Variants in CLVS1 observed in about 807,000 individuals in gnomAD.
CLVS1 encodes clavesin 1.
A neutral mutation model predicts 33.1 loss-of-function variants in CLVS1; 10 were observed. The ratio of observed to expected loss-of-function variants is 0.30; its 90% confidence interval spans 0.19 to 0.51. The LOEUF (loss-of-function observed/expected upper bound fraction) is 0.51, where lower values mean the gene tolerates loss of function less well. Among genes scored for constraint, CLVS1 ranks in the 20% least tolerant of loss-of-function variants. The pLI is 0.97. For synonymous variants in CLVS1, 163 were observed against 166.1 expected, an observed-to-expected ratio of 0.98 and a Z score of 0.14; for missense variants, 343 against 433.4, an observed-to-expected ratio of 0.79 and a Z score of 1.85.
intron 2 of CLVS1, among the ~76,000 whole-genome samples, chr8:61,214,434 C>T (rs566507811): frequency 2.0e-4 from 30 of 152,260 alleles, no homozygotes; most frequent in African/African-American, 7.2e-4. Context: ...CTTTATTTCT[C>T]AAGCTGGCTG....
intron 2 of CLVS1, among the ~76,000 whole-genome samples, chr8:61,306,486 T>TGTC (rs756569455): frequency 5.9e-5 from 9 of 152,230 alleles, no homozygotes; most frequent in Non-Finnish European, 1.2e-4. Flanking sequence ...TTCTGTAGGT[T>TGTC]GTCTGTTTAC....
At chr8:61,280,960 T>C (rs1809659885) in intron 2 of CLVS1, among the ~76,000 whole-genome samples, 1 of 152,184 alleles carries the variant, frequency 6.6e-6, no homozygotes, top group Non-Finnish European at 1.5e-5. Context: ...CATACACATC[T>C]TCATAGTCTT....
intron 2 of CLVS1, among the ~76,000 whole-genome samples, chr8:61,239,117 C>CTCCTTAACTTTTTTTTAA (rs1808635678): frequency 6.6e-6 from 1 of 152,178 alleles, no homozygotes; most frequent in Non-Finnish European, 1.5e-5. Context: ...AAAAACTATA[C>CTCCTTAACTTTTTTTTAA]CTTTTTAAAT....
chr8:61,388,955 C>G (rs1048171317), intron 3 of CLVS1, among the ~76,000 whole-genome samples: 4 of 152,118 alleles, frequency 2.6e-5, no homozygotes, highest in Admixed American at 2.6e-4. Context: ...CTAATATCCT[C>G]TGTTCTACTT....
intron 2 of CLVS1, among the ~76,000 whole-genome samples, chr8:61,324,365 G>C (rs1238896696): frequency 6.6e-6 from 1 of 152,012 alleles, no homozygotes; most frequent in Non-Finnish European, 1.5e-5. Context: ...TTCTCTTGCT[G>C]CCACCCTGGA....
chr8:61,228,760 T>C (rs180809353), intron 2 of CLVS1, among the ~76,000 whole-genome samples: 29 of 152,334 alleles, frequency 1.9e-4, no homozygotes, highest in African/African-American at 6.5e-4. Context: ...TTCCACTGTG[T>C]ACATGTACCA....
intron 2 of CLVS1, among the ~76,000 whole-genome samples, chr8:61,134,131 A>G (rs1392429990): frequency 6.6e-6 from 1 of 152,166 alleles, no homozygotes; most frequent in Non-Finnish European, 1.5e-5. Flanking sequence ...TAATTCATTT[A>G]CTCAAATTTA....
At chr8:61,073,037 CTTA>C (rs1490898874) in intron 1 of CLVS1, among the ~76,000 whole-genome samples, 1 of 152,026 alleles carries the variant, frequency 6.6e-6, no homozygotes, top group East Asian at 1.9e-4. Flanking sequence ...GATTTTTACA[CTTA>C]TTATATTTAT....
the CLVS1 span, among the ~76,000 whole-genome samples, chr8:61,028,010 G>A: frequency 6.6e-6 from 1 of 152,172 alleles, no homozygotes; most frequent in African/African-American, 2.4e-5. Context: ...TTTCCTATCT[G>A]AATGGTCCTT....
At chr8:60,984,292 T>A in the CLVS1 span, among the ~76,000 whole-genome samples, 1 of 151,914 alleles carries the variant, frequency 6.6e-6, no homozygotes, top group Admixed American at 6.6e-5. Flanking sequence ...AAAGGTCTAG[T>A]TTTTTTTCTT....
chr8:61,324,434 A>G (rs190370347), intron 2 of CLVS1, among the ~76,000 whole-genome samples: 154 of 152,240 alleles, frequency 1.0e-3, no homozygotes, highest in African/African-American at 3.5e-3. Context: ...GTGGAACTGT[A>G]AGTCCAATTA....
At chr8:61,417,839 C>G (rs1815501715) in intron 3 of CLVS1, among the ~76,000 whole-genome samples, 1 of 152,170 alleles carries the variant, frequency 6.6e-6, no homozygotes, top group South Asian at 2.1e-4. Flanking sequence ...AAGGAGAAAC[C>G]TTGAAAGGGT....
At chr8:61,146,839 C>T (rs1806428701) in intron 2 of CLVS1, among the ~76,000 whole-genome samples, 1 of 152,208 alleles carries the variant, frequency 6.6e-6, no homozygotes, top group South Asian at 2.1e-4. Flanking sequence ...TAAATGTTCA[C>T]ACTGTGACTT....
At chr8:61,381,814 T>TC (rs1330288873) in intron 3 of CLVS1, among the ~76,000 whole-genome samples, 1 of 152,194 alleles carries the variant, frequency 6.6e-6, no homozygotes, top group Non-Finnish European at 1.5e-5. Flanking sequence ...TGTATATTTA[T>TC]CACATTTTCT....
At chr8:61,220,257 G>A (rs1808179907) in intron 2 of CLVS1, among the ~76,000 whole-genome samples, 1 of 152,100 alleles carries the variant, frequency 6.6e-6, no homozygotes, top group South Asian at 2.1e-4. Context: ...AAAAGGTATT[G>A]CCTAAGTTTT....
In CLVS1 at chr8:61,348,987, C is replaced by G. The variant is rs149703787; in HGVS notation, c.456-27618C>G. 2.4e-3 allele frequency among the ~76,000 whole-genome samples: 359 copies of G among 152,106 alleles called. 3 individuals are homozygous for G. The highest frequency in any genetic ancestry group is 7.8e-3 in the African/African-American group (325 of 41,500). The stretch of plus-strand genomic sequence containing the variant: ...CCTGATGATTAGTGATGTTGAGCAC[C>G]TTTTCATGTATCTGTCGGCCATTTG... On this transcript the variant is annotated intron_variant, in intron 2 of 5. Transcript: ENST00000325897.
chr8:61,462,687 G>A (rs1451899445), intron 5 of CLVS1, among the ~76,000 whole-genome samples: 2 of 152,154 alleles, frequency 1.3e-5, no homozygotes, highest in African/African-American at 4.8e-5. Context: ...TTTCTGAGCA[G>A]TAAGTCTCGT....
intron 2 of CLVS1, chr8:61,273,948 C>G (rs1023868829): frequency 1.9e-5 from 3 of 161,044 alleles, no homozygotes; most frequent in African/African-American, 7.2e-5. Flanking sequence ...AAATCACCCT[C>G]TTCTGCGTCG....
At chr8:61,455,069 A>G (rs1585998118) in intron 4 of CLVS1, among the ~76,000 whole-genome samples, 3 of 152,114 alleles carry the variant, frequency 2.0e-5, no homozygotes, top group South Asian at 2.1e-4. Context: ...ACAACTAAAT[A>G]TTGGATATAT....
Sources: allele counts gnomAD v4.1 joint callset (sites outside exome capture counted in the v4.1 genomes callset), GRCh38; gene constraint gnomAD v4.1.1; transcripts MANE v1.5; gene names NCBI Gene and HGNC (gene_info 2026-07-23, HGNC 2026-07-21).